The following C17orf67 variants were observed in gnomAD, a reference collection of about 807,000 sequenced individuals.
C17orf67 encodes the protein chromosome 17 open reading frame 67.
C17orf67 carries 12 observed loss-of-function variants against 11.2 expected under a neutral mutation model. The ratio of observed to expected loss-of-function variants is 1.07; its 90% CI spans 0.68 to 1.73. The LOEUF (loss-of-function observed/expected upper bound fraction) is 1.73, where lower values mean the gene tolerates loss of function less well. C17orf67 is among the 40% of genes most tolerant of loss of function. The pLI is 0.00. For synonymous variants in C17orf67, 59 were observed against 46.9 expected, an observed-to-expected ratio of 1.26 and a Z score of -1.05; for missense variants, 115 against 113.5, an observed-to-expected ratio of 1.01 and a Z score of -0.06.
intron 6 of C17orf67, among the ~76,000 whole-genome samples, chr17:56,802,714 A>G (rs1296860728): frequency 6.6e-6 from 1 of 152,228 alleles, no homozygotes; most frequent in African/African-American, 2.4e-5. Flanking sequence ...GATAACAAAG[A>G]TCTGAGTACA....
At chr17:56,795,337 A>G in intron 6 of C17orf67, 157 bp from the exon 7 acceptor site, 1 of 645,706 alleles carries the variant, frequency 1.5e-6, no homozygotes, top group Non-Finnish European at 2.8e-6. Context: ...TGTAGGGAAG[A>G]CCAGTCAGAC....
chr17:56,810,096 TCA>T (rs995703247), intron 6 of C17orf67, among the ~76,000 whole-genome samples: 4 of 61,608 alleles, frequency 6.5e-5, no homozygotes, highest in African/African-American at 2.3e-4. Flanking sequence ...CACACACCCC[TCA>T]CACTTCTGAC....
At chr17:56,803,746 T>C (rs1009098190) in intron 6 of C17orf67, 1 of 152,140 alleles carries the variant, frequency 6.6e-6, no homozygotes. Context: ...AAAAGTAATA[T>C]ATATTTCACA....
At chr17:56,829,286 A>C (rs1055517348) in intron 2 of C17orf67, among the ~76,000 whole-genome samples, 2 of 152,282 alleles carry the variant, frequency 1.3e-5, no homozygotes, top group African/African-American at 4.8e-5. Flanking sequence ...CAAAAAAATA[A>C]AATAAAATAA....
intron 4 of C17orf67, among the ~76,000 whole-genome samples, chr17:56,822,920 T>C (rs1333971388): frequency 2.0e-5 from 3 of 152,186 alleles, no homozygotes; most frequent in Non-Finnish European, 4.4e-5. Context: ...CCTCCACAAG[T>C]GGACTCTAAT....
At chr17:56,822,569 AG>A (rs1905929898) in intron 4 of C17orf67, among the ~76,000 whole-genome samples, 1 of 152,246 alleles carries the variant, frequency 6.6e-6, no homozygotes, top group African/African-American at 2.4e-5. Flanking sequence ...ACATAATAAA[AG>A]TCTACTACTT....
At chr17:56,825,515 A>G (rs1906004057) in intron 2 of C17orf67, among the ~76,000 whole-genome samples, 194 bp from the exon 3 acceptor site, 1 of 152,236 alleles carries the variant, frequency 6.6e-6, no homozygotes, top group Non-Finnish European at 1.5e-5. Flanking sequence ...AGAGACTACT[A>G]TTCTTAAAAG....
At chr17:56,815,707 A>G (rs770726178) in intron 5 of C17orf67, 49 bp downstream of exon 5, 28 of 1,501,490 alleles carry the variant, frequency 1.9e-5, no homozygotes, top group Non-Finnish European at 2.3e-5. Flanking sequence ...ATAGACTATT[A>G]TTTATCATGT....
chr17:56,801,339 T>A (rs946446495), intron 6 of C17orf67, among the ~76,000 whole-genome samples: 11 of 152,172 alleles, frequency 7.2e-5, no homozygotes, highest in African/African-American at 2.7e-4. Context: ...AAACTCTAAA[T>A]CATGGAAACC....
In C17orf67 at chr17:56,828,563, G is replaced by A. The variant is rs575055902; in HGVS notation, c.-556-3242C>T. Among the ~76,000 whole-genome samples the A allele has an allele frequency of 4.5e-4, 67 of 150,348 alleles. No individual in the cohort carries two copies. In the South Asian group the frequency reaches 0.014, roughly 31 times the overall value. On this transcript the variant is annotated intron_variant, in intron 2 of 7. Transcript: ENST00000397861. ...TATTTTGAAATCTGTCACACATACA[G>A]AAGAGTTTATAAACCATATATACAT...
intron 7 of C17orf67, among the ~76,000 whole-genome samples, 195 bp downstream of exon 7, chr17:56,794,849 T>C (rs1258299093): frequency 6.6e-6 from 1 of 151,954 alleles, no homozygotes; most frequent in African/African-American, 2.4e-5. Context: ...GGCTCCCCCA[T>C]TTGTCCCCCA....
chr17:56,829,138 T>C (rs1263565825), intron 2 of C17orf67, among the ~76,000 whole-genome samples: 3 of 152,008 alleles, frequency 2.0e-5, no homozygotes, highest in Admixed American at 6.5e-5. Context: ...TAGCCAGGCA[T>C]GGTGGCGGGC....
intron 4 of C17orf67, among the ~76,000 whole-genome samples, chr17:56,817,785 T>C (rs556215050): frequency 3.3e-5 from 5 of 152,304 alleles, no homozygotes; most frequent in African/African-American, 1.2e-4. Context: ...AATATTTGAT[T>C]TCATGCACTC....
chr17:56,806,994 G>C (rs1489654569), intron 6 of C17orf67, among the ~76,000 whole-genome samples: 4 of 152,226 alleles, frequency 2.6e-5, no homozygotes, highest in Non-Finnish European at 4.4e-5. Context: ...GTTTGGGGCT[G>C]TTAGATCTGA....
intron 6 of C17orf67, among the ~76,000 whole-genome samples, chr17:56,812,387 C>T (rs537887656): frequency 6.6e-6 from 1 of 152,302 alleles, no homozygotes; most frequent in South Asian, 2.1e-4. Context: ...CCAAAAATGT[C>T]TTCAGATATT....
Position 56,808,832 on chromosome 17 carries a change from A to G in C17orf67, c.156+6037T>C, listed in dbSNP as rs115184825. Among the ~76,000 whole-genome samples the G allele has an allele frequency of 8.9e-3, 1,356 of 152,332 alleles. 14 individuals carry two copies. The highest frequency in any genetic ancestry group is 0.021 in the African/African-American group (859 of 41,580). Reference sequence around the variant, plus strand: ...TATAAACATGGCTCAGTAGATCTTCATGAGGAGAGACTTCTGCAAATCTTC... The same window carrying G: ...TATAAACATGGCTCAGTAGATCTTCGTGAGGAGAGACTTCTGCAAATCTTC... On this transcript the variant is annotated intron_variant, in intron 6 of 7. Transcript: ENST00000397861.
At chr17:56,805,030 A>G (rs1166856217) in intron 6 of C17orf67, among the ~76,000 whole-genome samples, 3 of 152,236 alleles carry the variant, frequency 2.0e-5, no homozygotes, top group Admixed American at 6.5e-5. Context: ...GTAAATGCCA[A>G]TACTGTACGG....
At chr17:56,820,030 G>A (rs1359136242) in intron 4 of C17orf67, among the ~76,000 whole-genome samples, 1 of 152,072 alleles carries the variant, frequency 6.6e-6, no homozygotes, top group African/African-American at 2.4e-5. Context: ...TACTATTGAA[G>A]GCATTCATCA....
In C17orf67 at chr17:56,814,833, A is replaced by G. The variant is rs752315446; in HGVS notation, c.156+36T>C. On this transcript the variant is annotated intron_variant, in intron 6 of 7. Coordinates refer to ENST00000397861, the MANE Select transcript of C17orf67 (RefSeq NM_001085430.4). Reference sequence around the variant, plus strand: ...CATAGTGAATGGCATTCAAATGATCACATTTTCTTTAAAACTGCCAGAGCA... The same window carrying G: ...CATAGTGAATGGCATTCAAATGATCGCATTTTCTTTAAAACTGCCAGAGCA... The G allele has an allele frequency of 5.7e-6, 9 of 1,587,384 alleles. No homozygotes were observed. In the South Asian group the frequency reaches 6.6e-5, roughly 12 times the overall value.
Sources: allele counts gnomAD v4.1 joint callset (sites outside exome capture counted in the v4.1 genomes callset), GRCh38; gene constraint gnomAD v4.1.1; transcripts MANE v1.5; gene names NCBI Gene and HGNC (gene_info 2026-07-23, HGNC 2026-07-21).